IQCK: variants seen among roughly 807,000 people sequenced by gnomAD.
IQCK encodes the protein IQ motif containing K.
In IQCK, 29 loss-of-function variants were observed where a neutral mutation model predicts 28.1. That is an observed-to-expected ratio of 1.03 (90% CI 0.77 to 1.41). IQCK has a LOEUF of 1.41. Ranked by LOEUF, IQCK falls within the 40% of genes most tolerant of loss-of-function variation. IQCK has a pLI of 0.00. For missense variants in IQCK, 359 were observed against 314.7 expected, an observed-to-expected ratio of 1.14 and a Z score of -1.07; for synonymous variants, 113 against 115.1, an observed-to-expected ratio of 0.98 and a Z score of 0.12.
intron 2 of IQCK, among the ~76,000 whole-genome samples, chr16:19,732,293 T>A (rs1278005794): frequency 1.3e-5 from 2 of 152,206 alleles, no homozygotes; most frequent in African/African-American, 4.8e-5. Context: ...GTATCACGGC[T>A]GATGTGGCTT....
In IQCK at chr16:19,842,172, G is replaced by A. The variant is rs965801153; in HGVS notation, c.803-14315G>A. On this transcript the variant is annotated intron_variant, in intron 9 of 9. Coordinates refer to the IQCK transcript ENST00000320394. ...CATATCATTTTTGAATCATTTTAGA[G>A]CAGTGTCTTTTCCCACTGAGTGGTG... is the stretch of plus-strand genomic sequence containing the variant. Among the ~76,000 whole-genome samples, 4 of 152,232 alleles carry A rather than the reference G, an allele frequency of 2.6e-5. No homozygotes were observed. In the South Asian group the frequency reaches 8.3e-4, roughly 32 times the overall value.
At chr16:19,734,210 A>T (rs1240920304) in intron 3 of IQCK, among the ~76,000 whole-genome samples, 1 of 152,024 alleles carries the variant, frequency 6.6e-6, no homozygotes, top group African/African-American at 2.4e-5. Context: ...TAAAAAAAAA[A>T]TTATCACTGG....
intron 9 of IQCK, among the ~76,000 whole-genome samples, chr16:19,841,269 A>T (rs183425055): frequency 6.6e-6 from 1 of 152,256 alleles, no homozygotes; most frequent in East Asian, 1.9e-4. Context: ...ACTTTGCCAG[A>T]TCTGAGTAGG....
At chr16:19,811,458 A>C (rs2055904485) in intron 7 of IQCK, among the ~76,000 whole-genome samples, 2 of 152,186 alleles carry the variant, frequency 1.3e-5, no homozygotes, top group African/African-American at 4.8e-5. Context: ...AACTATTATC[A>C]CTGAGCTGTT....
chr16:19,731,384 A>G (rs986903591), intron 2 of IQCK, among the ~76,000 whole-genome samples: 15 of 152,222 alleles, frequency 9.9e-5, no homozygotes, highest in African/African-American at 3.6e-4. Context: ...CTCGACTTCT[A>G]TTAACTTCCA....
Position 19,735,661 on chromosome 16 carries a change from G to A in IQCK, c.474+211G>A, listed in dbSNP as rs147554022. The A allele has an allele frequency of 4.6e-3, 2,485 of 542,918 alleles. 12 individuals are homozygous for A. Among genetic ancestry groups the A allele is most frequent in the Middle Eastern group, 0.011 (22 of 1,948 alleles). The allele number at this position is 542,918 out of a possible 1,614,324, so 33.6% of individuals were successfully genotyped here. On this transcript the variant is annotated intron_variant, in intron 4 of 7. Transcript: ENST00000564186. ...CCATCTGTCTGGCCACTTGGACTCC[G>A]GAGAGCTTTTCCGCCTTGCTTGGCC...
intron 7 of IQCK, among the ~76,000 whole-genome samples, chr16:19,814,359 C>T (rs1474456325): frequency 6.6e-6 from 1 of 151,646 alleles, no homozygotes; most frequent in Non-Finnish European, 1.5e-5. Context: ...GAGCCGAGAT[C>T]GCACCATCGC....
chr16:19,820,116 C>A (rs2056049672), intron 7 of IQCK, among the ~76,000 whole-genome samples: 1 of 152,022 alleles, frequency 6.6e-6, no homozygotes, highest in African/African-American at 2.4e-5. Context: ...GCTACACTAC[C>A]CAACTCTTAG....
At chr16:19,837,823 G>A (rs139728164) in intron 9 of IQCK, among the ~76,000 whole-genome samples, 2,794 of 152,286 alleles carry the variant, frequency 0.018, 39 homozygotes, top group Non-Finnish European at 0.027. Flanking sequence ...AGAATGTGTT[G>A]TAACCACATC....
intron 1 of IQCK, among the ~76,000 whole-genome samples, chr16:19,728,154 C>T (rs1157425926): frequency 1.3e-5 from 2 of 152,122 alleles, no homozygotes; most frequent in East Asian, 1.9e-4. Context: ...TTACCCATGG[C>T]GAGAACCTGA....
chr16:19,840,228 C>T (rs2056349332), intron 9 of IQCK, among the ~76,000 whole-genome samples: 1 of 151,958 alleles, frequency 6.6e-6, no homozygotes, highest in Non-Finnish European at 1.5e-5. Flanking sequence ...TGGTGGCAGG[C>T]ACCTGTAATC....
chr16:19,734,586 AC>A (rs1977948998), intron 3 of IQCK, among the ~76,000 whole-genome samples: 1 of 151,426 alleles, frequency 6.6e-6, no homozygotes, highest in African/African-American at 2.4e-5. Context: ...CTGAGATCGC[AC>A]CACTGCGTTC....
chr16:19,816,468 G>A (rs2055990313), intron 7 of IQCK, among the ~76,000 whole-genome samples: 1 of 152,110 alleles, frequency 6.6e-6, no homozygotes, highest in Non-Finnish European at 1.5e-5. Flanking sequence ...TTTTAGTAGA[G>A]ACGGGGTTTC....
At chr16:19,855,644 C>T (rs2056550411) in intron 9 of IQCK, among the ~76,000 whole-genome samples, 1 of 152,180 alleles carries the variant, frequency 6.6e-6, no homozygotes, top group Non-Finnish European at 1.5e-5. Flanking sequence ...CCGCATCTGG[C>T]TGGTGCATGC....
At chr16:19,741,542 A>G (rs2054834741) in intron 4 of IQCK, among the ~76,000 whole-genome samples, 1 of 152,220 alleles carries the variant, frequency 6.6e-6, no homozygotes, top group African/African-American at 2.4e-5. Flanking sequence ...GCCAACTCAT[A>G]TTTCATTGTT....
At chr16:19,735,545 T>C (rs1977986718) in intron 4 of IQCK, 95 bp downstream of exon 4, 1 of 1,034,802 alleles carries the variant, frequency 9.7e-7, no homozygotes, top group Non-Finnish European at 1.5e-6. Flanking sequence ...CAGGTTGTTC[T>C]CCAGATGACC....
chr16:19,827,206 G>A (rs758340670), downstream of IQCK: 1 of 1,140,472 alleles, frequency 8.8e-7, no homozygotes, highest in African/African-American at 1.5e-5. Context: ...GGCTCAAGAA[G>A]GAGGCCCTCT....
intron 4 of IQCK, among the ~76,000 whole-genome samples, chr16:19,759,096 A>G (rs778808730): frequency 3.3e-5 from 5 of 152,190 alleles, no homozygotes; most frequent in African/African-American, 4.8e-5. Flanking sequence ...ACCTGTGTAC[A>G]TGAGTTTTTT....
rs935660816 is a variant in IQCK at position 19,730,769 on chromosome 16, A to G, written c.246+275A>G. The stretch of plus-strand genomic sequence containing the variant: ...TCTATCTATCTATCTTATCTTATCT[A>G]TCTATCTACCTAATCTATTTTTTGA... On this transcript the variant is annotated intron_variant, in intron 2 of 7. Transcript: ENST00000564186. Among the ~76,000 whole-genome samples the G allele has an allele frequency of 2.6e-5, 4 of 151,838 alleles. No homozygotes were observed. The South Asian group carries it at 8.3e-4, about 32-fold the overall frequency.
Sources: gnomAD v4.1 joint callset for allele counts (sites outside exome capture counted in the v4.1 genomes callset) on GRCh38, gnomAD v4.1.1 for gene constraint, MANE v1.5 for transcripts, NCBI Gene and HGNC (gene_info 2026-07-23, HGNC 2026-07-21) for gene names.